GRIP1: variants seen among roughly 807,000 people sequenced by gnomAD.
The protein encoded by GRIP1 is glutamate receptor interacting protein 1, also known as glutamate receptor-interacting protein 1.
GRIP1 carries 45 observed loss-of-function variants against 129.9 expected under a neutral mutation model. The observed-to-expected ratio is 0.35, with a 90% CI of 0.27 to 0.44. GRIP1 has a LOEUF of 0.44. GRIP1 is among the 20% of genes least tolerant of loss of function. The pLI is 1.00. For missense variants in GRIP1, 1,196 were observed against 1,396.8 expected (o/e 0.86, Z 2.29); for synonymous variants, 530 against 520.8 (o/e 1.02, Z -0.24).
chr12:66,771,523 T>C (rs1204939397), intron 1 of GRIP1, among the ~76,000 whole-genome samples: 2 of 152,168 alleles, frequency 1.3e-5, no homozygotes, highest in Non-Finnish European at 2.9e-5. Flanking sequence ...ATAGGGTATA[T>C]GTTAAGGCTG....
intron 9 of GRIP1, among the ~76,000 whole-genome samples, chr12:66,461,780 G>C (rs1462047166): frequency 6.6e-6 from 1 of 152,076 alleles, no homozygotes; most frequent in African/African-American, 2.4e-5. Flanking sequence ...TTAAAAGGTG[G>C]GAGACACAAT....
chr12:66,582,667 G>A (rs895534792), intron 2 of GRIP1, among the ~76,000 whole-genome samples: 1 of 139,762 alleles, frequency 7.2e-6, no homozygotes, highest in Non-Finnish European at 1.6e-5. Context: ...TTGCTTCAAA[G>A]AGAGTAAAAT....
intron 23 of GRIP1, among the ~76,000 whole-genome samples, chr12:66,363,447 C>T (rs1270531922): frequency 3.4e-5 from 5 of 148,712 alleles, no homozygotes; most frequent in African/African-American, 1.2e-4. Flanking sequence ...CACTGGGTCT[C>T]ACTATGTTGC....
chr12:66,443,889 C>T (rs2058541170), intron 13 of GRIP1, among the ~76,000 whole-genome samples: 1 of 152,088 alleles, frequency 6.6e-6, no homozygotes, highest in African/African-American at 2.4e-5. Flanking sequence ...TGTTTAAATA[C>T]ACTTAGGGAA....
intron 1 of GRIP1, among the ~76,000 whole-genome samples, chr12:66,908,055 G>A (rs1024602396): frequency 2.6e-5 from 4 of 152,118 alleles, no homozygotes; most frequent in African/African-American, 9.7e-5. Context: ...GAAATTTTAA[G>A]AACTTTGTTA....
Position 66,844,062 on chromosome 12 carries a change from G to C in GRIP1, c.58+224988C>G, listed in dbSNP as rs370475465. ...TATTTGTAAATCATGTATCTAATAA[G>C]GGGTTAATACCCAGAATATATAAAG... On this transcript the variant is annotated intron_variant, in intron 1 of 1. Transcript: ENST00000643019. Among the ~76,000 whole-genome samples, 12 of 152,198 alleles carry C rather than the reference G, an allele frequency of 7.9e-5. 1 individual carries two copies. Among genetic ancestry groups the C allele is most frequent in the African/African-American group, 2.9e-4 (12 of 41,548 alleles).
intron 9 of GRIP1, among the ~76,000 whole-genome samples, chr12:66,461,128 G>T (rs2059123460): frequency 6.6e-6 from 1 of 152,116 alleles, no homozygotes; most frequent in Non-Finnish European, 1.5e-5. Flanking sequence ...ATATTTTAGT[G>T]TATAAATTAA....
chr12:66,928,246 A>C (rs1052562919), intron 1 of GRIP1, among the ~76,000 whole-genome samples: 1 of 152,254 alleles, frequency 6.6e-6, no homozygotes, highest in African/African-American at 2.4e-5. Context: ...TGCTTTTAAC[A>C]CAGGTACATT....
chr12:66,706,077 C>T (rs1400257891), intron 1 of GRIP1, among the ~76,000 whole-genome samples: 1 of 152,168 alleles, frequency 6.6e-6, no homozygotes, highest in Non-Finnish European at 1.5e-5. Context: ...AACCAAAGAG[C>T]TTCTGCACAG....
chr12:66,528,198 G>A (rs1205892203), intron 5 of GRIP1, among the ~76,000 whole-genome samples: 2 of 142,468 alleles, frequency 1.4e-5, no homozygotes, highest in Non-Finnish European at 1.5e-5. Context: ...GCAGTGGCAC[G>A]ATCTGGGCTC....
At chr12:66,470,848 T>C (rs2059419890) in intron 7 of GRIP1, among the ~76,000 whole-genome samples, 1 of 152,224 alleles carries the variant, frequency 6.6e-6, no homozygotes. Context: ...CATACCCTAC[T>C]AAGCCTGAAA....
rs1257312502 is a variant in GRIP1, at chr12:66,450,425, GTTTT to G, written c.1355-4921_1355-4918del. Among the ~76,000 whole-genome samples, 14 of 144,934 alleles carry G rather than the reference GTTTT, an allele frequency of 9.7e-5. No homozygotes were observed. The South Asian group carries it at 3.3e-3, about 34-fold the overall frequency. ...CCTTCTCAAAGGAAAGACTTGCTAT[GTTTT>G]TTTAAACAGAGAAGATAGTTGAATA... On this transcript the variant is annotated intron_variant, in intron 11 of 24. Transcript: ENST00000359742.
At chr12:66,507,900 A>G (rs1180221169) in intron 7 of GRIP1, among the ~76,000 whole-genome samples, 1 of 152,106 alleles carries the variant, frequency 6.6e-6, no homozygotes, top group Non-Finnish European at 1.5e-5. Flanking sequence ...CATCCTCAGT[A>G]TCTAAGACTA....
At chr12:66,385,062 G>A (rs982160731) in intron 19 of GRIP1, among the ~76,000 whole-genome samples, 4 of 152,130 alleles carry the variant, frequency 2.6e-5, no homozygotes. Flanking sequence ...AATAAATGAG[G>A]CAGCCCAGGC....
chr12:66,582,404 A>G (rs944165440), intron 2 of GRIP1, among the ~76,000 whole-genome samples: 2 of 147,728 alleles, frequency 1.4e-5, no homozygotes, highest in African/African-American at 2.5e-5. Context: ...AGTTCTGGCC[A>G]GGGCAATTAG....
chr12:66,942,012 C>T (rs2041594399), intron 1 of GRIP1, among the ~76,000 whole-genome samples: 1 of 152,200 alleles, frequency 6.6e-6, no homozygotes, highest in Non-Finnish European at 1.5e-5. Context: ...TACTCTGAAA[C>T]CAGGGAATGT....
At chr12:66,644,054 G>A (rs558571939) in intron 1 of GRIP1, among the ~76,000 whole-genome samples, 8 of 152,140 alleles carry the variant, frequency 5.3e-5, no homozygotes, top group African/African-American at 1.2e-4. Context: ...ACACGGCAGC[G>A]GCAAGAGAAA....
intron 15 of GRIP1, among the ~76,000 whole-genome samples, chr12:66,409,089 G>A (rs71450861): frequency 0.011 from 1,604 of 152,256 alleles, 14 homozygotes; most frequent in Non-Finnish European, 0.017. Flanking sequence ...GGGGCCAGGG[G>A]GAGCTCACTG....
chr12:66,700,937 G>T (rs1010522938), intron 1 of GRIP1, among the ~76,000 whole-genome samples: 3 of 152,106 alleles, frequency 2.0e-5, no homozygotes, highest in Non-Finnish European at 4.4e-5. Flanking sequence ...CAGCCACTAT[G>T]CTATGTGCTT....
Sources: allele counts gnomAD v4.1 joint callset (sites outside exome capture counted in the v4.1 genomes callset), GRCh38; gene constraint gnomAD v4.1.1; transcripts MANE v1.5; gene names NCBI Gene and HGNC (gene_info 2026-07-23, HGNC 2026-07-21).